TMEM117: variants seen among roughly 807,000 people sequenced by gnomAD.
TMEM117 encodes the protein transmembrane protein 117.
Under a neutral mutation model 52.4 loss-of-function variants are expected in TMEM117, and 27 were observed. The observed-to-expected ratio is 0.51, with a 90% CI of 0.38 to 0.71. The LOEUF (loss-of-function observed/expected upper bound fraction) is 0.71, where lower values mean the gene tolerates loss of function less well. Among genes scored for constraint, TMEM117 ranks in the 30% least tolerant of loss-of-function variants. The pLI is 0.00. For missense variants in TMEM117, 556 were observed against 630.5 expected, an observed-to-expected ratio of 0.88 and a Z score of 1.26; for synonymous variants, 215 against 206.3, an observed-to-expected ratio of 1.04 and a Z score of -0.36.
chr12:43,806,299 C>G, the TMEM117 span: 1 of 1,448,772 alleles, frequency 6.9e-7, no homozygotes, highest in Middle Eastern at 2.4e-4. Flanking sequence ...GCGGCCCCGG[C>G]CGGCGGCCCC....
chr12:44,154,410 C>T (rs958147669), intron 4 of TMEM117, among the ~76,000 whole-genome samples: 8 of 151,914 alleles, frequency 5.3e-5, no homozygotes, highest in African/African-American at 1.9e-4. Flanking sequence ...GCCTATGAGT[C>T]AAGTGAGTGA....
At chr12:44,031,908 A>G (rs149391647) in intron 3 of TMEM117, among the ~76,000 whole-genome samples, 20 of 152,338 alleles carry the variant, frequency 1.3e-4, no homozygotes, top group African/African-American at 4.8e-4. Context: ...AAGGAATCAA[A>G]TTTGACTTGT....
chr12:43,993,738 A>G (rs1293712850), intron 3 of TMEM117, among the ~76,000 whole-genome samples: 1 of 152,132 alleles, frequency 6.6e-6, no homozygotes, highest in East Asian at 1.9e-4. Context: ...TCTTTTGCCC[A>G]GGCTGGAGTG....
chr12:44,116,152 A>G (rs1048526327), intron 3 of TMEM117, among the ~76,000 whole-genome samples: 17 of 152,190 alleles, frequency 1.1e-4, no homozygotes, highest in Non-Finnish European at 2.1e-4. Context: ...TTCTCTCTTT[A>G]AGCATTTCAT....
intron 6 of TMEM117, among the ~76,000 whole-genome samples, chr12:44,356,435 C>T (rs894956454): frequency 1.3e-5 from 2 of 152,004 alleles, no homozygotes. Flanking sequence ...AGAGTAATAC[C>T]TCACTAGGTA....
At chr12:43,805,851 G>A in the TMEM117 span, 1 of 1,412,620 alleles carries the variant, frequency 7.1e-7, no homozygotes, top group Non-Finnish European at 9.4e-7. Context: ...ACAGCGTACT[G>A]AAGCCCCAGT....
intron 5 of TMEM117, among the ~76,000 whole-genome samples, chr12:44,249,978 C>T (rs1221163135): frequency 6.6e-6 from 1 of 152,032 alleles, no homozygotes; most frequent in Non-Finnish European, 1.5e-5. Context: ...CAATAAAATC[C>T]AAAATTCACA....
At chr12:43,908,946 A>C (rs1944441888) in intron 2 of TMEM117, among the ~76,000 whole-genome samples, 1 of 139,534 alleles carries the variant, frequency 7.2e-6, no homozygotes, top group African/African-American at 2.6e-5. Flanking sequence ...AACGAGACAG[A>C]AAGTCAACAA....
chr12:44,130,085 A>G (rs1948389326), intron 3 of TMEM117, among the ~76,000 whole-genome samples: 1 of 152,144 alleles, frequency 6.6e-6, no homozygotes. Context: ...TTACTATCCC[A>G]GTGTTTCTCC....
chr12:44,242,264 T>C (rs1447199933), intron 5 of TMEM117, among the ~76,000 whole-genome samples: 1 of 151,602 alleles, frequency 6.6e-6, no homozygotes, highest in African/African-American at 2.4e-5. Context: ...CCAATAGTTA[T>C]TTTTTTTCTA....
chr12:44,238,768 A>G (rs1161788636), intron 5 of TMEM117, among the ~76,000 whole-genome samples: 1 of 152,184 alleles, frequency 6.6e-6, no homozygotes. Flanking sequence ...AGTTCAAAGA[A>G]CCAGTTCAAT....
intron 5 of TMEM117, among the ~76,000 whole-genome samples, chr12:44,245,921 A>C (rs908874993): frequency 1.2e-4 from 19 of 152,144 alleles, no homozygotes; most frequent in Non-Finnish European, 1.5e-5. Flanking sequence ...TGTACATAGC[A>C]TCAAAATAAC....
intron 4 of TMEM117, among the ~76,000 whole-genome samples, chr12:44,169,811 C>T (rs188126770): frequency 5.7e-4 from 86 of 152,060 alleles, no homozygotes; most frequent in African/African-American, 1.6e-3. Context: ...CTGGAGAGGA[C>T]GTGGAGAAAT....
At chr12:43,998,727 A>G (rs910022535) in intron 3 of TMEM117, among the ~76,000 whole-genome samples, 3 of 152,246 alleles carry the variant, frequency 2.0e-5, no homozygotes, top group Non-Finnish European at 2.9e-5. Flanking sequence ...AAATCGGACT[A>G]CATTATGACT....
At chr12:44,181,459 T>C (rs1949197633) in intron 4 of TMEM117, among the ~76,000 whole-genome samples, 1 of 150,512 alleles carries the variant, frequency 6.6e-6, no homozygotes. Context: ...AATGCCTAGG[T>C]TTTCTTCTAG....
At chr12:43,927,049 GA>G (rs1454918673) in intron 2 of TMEM117, among the ~76,000 whole-genome samples, 2 of 151,852 alleles carry the variant, frequency 1.3e-5, no homozygotes, top group East Asian at 3.8e-4. Flanking sequence ...CTAAACAATT[GA>G]AGACTAAGTT....
At chr12:44,345,749 G>A (rs1951477885) in intron 6 of TMEM117, among the ~76,000 whole-genome samples, 1 of 151,950 alleles carries the variant, frequency 6.6e-6, no homozygotes, top group South Asian at 2.1e-4. Flanking sequence ...TTATTTCCTG[G>A]TTGTTATTGT....
At chr12:43,885,850 A>T (rs1302194779) in intron 2 of TMEM117, among the ~76,000 whole-genome samples, 1 of 152,212 alleles carries the variant, frequency 6.6e-6, no homozygotes, top group Non-Finnish European at 1.5e-5. Flanking sequence ...ATGGTTACAC[A>T]AGAGATTAAT....
At chr12:43,980,602 ATGACTTAC>A (rs146546453) in intron 3 of TMEM117, among the ~76,000 whole-genome samples, 1 of 152,156 alleles carries the variant, frequency 6.6e-6, no homozygotes, top group Admixed American at 6.5e-5. Flanking sequence ...GTGGGCACCA[ATGACTTAC>A]TGACTTACTG....
Sources: gnomAD v4.1 joint callset for allele counts (sites outside exome capture counted in the v4.1 genomes callset) on GRCh38, gnomAD v4.1.1 for gene constraint, MANE v1.5 for transcripts, NCBI Gene and HGNC (gene_info 2026-07-23, HGNC 2026-07-21) for gene names.